Variants in PLCL2 observed in about 807,000 individuals in gnomAD.
PLCL2 encodes the protein phospholipase C like 2.
In PLCL2, 4 loss-of-function variants were observed where a neutral mutation model predicts 79.6. The ratio of observed to expected loss-of-function variants is 0.05; its 90% CI spans 0.02 to 0.11. PLCL2 has a LOEUF of 0.11. PLCL2 is among the 10% of genes least tolerant of loss of function. PLCL2 has a pLI of 1.00. For missense variants in PLCL2, 895 were observed against 1,291.0 expected (o/e 0.69, Z 4.70); for synonymous variants, 484 against 457.7 (o/e 1.06, Z -0.73).
chr3:16,979,012 C>T (rs1575566509), intron 1 of PLCL2, among the ~76,000 whole-genome samples: 1 of 152,336 alleles, frequency 6.6e-6, no homozygotes, highest in South Asian at 2.1e-4. Flanking sequence ...AATATTTACT[C>T]ATTCACAGCA....
At chr3:16,995,446 A>G (rs2064144272) in intron 1 of PLCL2, among the ~76,000 whole-genome samples, 1 of 152,184 alleles carries the variant, frequency 6.6e-6, no homozygotes, top group African/African-American at 2.4e-5. Context: ...GCCTTCTCTA[A>G]GGAGGTGCTG....
chr3:16,962,755 C>G lies in PLCL2; in HGVS notation c.328-46919C>G, dbSNP rs183784962. Reference sequence around the variant, plus strand: ...TTTCTAAACCAAAAAGAAAAATTAACGAATAAAAGATTTGGAAAAAAATTC... The same window carrying G: ...TTTCTAAACCAAAAAGAAAAATTAAGGAATAAAAGATTTGGAAAAAAATTC... On this transcript the variant is annotated intron_variant, in intron 1 of 5. Coordinates refer to ENST00000615277, the MANE Select transcript of PLCL2 (RefSeq NM_001144382.2). Among the ~76,000 whole-genome samples the G allele has an allele frequency of 4.2e-3, 646 of 152,094 alleles. 4 individuals are homozygous for G. Among genetic ancestry groups the G allele is most frequent in the African/African-American group, 0.014 (602 of 41,524 alleles).
intron 1 of PLCL2, among the ~76,000 whole-genome samples, chr3:16,967,762 T>C (rs189903779): frequency 3.9e-4 from 59 of 152,308 alleles, no homozygotes; most frequent in Non-Finnish European, 6.3e-4. Flanking sequence ...AGATCTTTAG[T>C]TTAATTAAGT....
chr3:16,997,384 G>T (rs2064164303), intron 1 of PLCL2, among the ~76,000 whole-genome samples: 1 of 152,094 alleles, frequency 6.6e-6, no homozygotes, highest in South Asian at 2.1e-4. Flanking sequence ...GAACACTGAG[G>T]GCTGAACTAG....
intron 1 of PLCL2, among the ~76,000 whole-genome samples, chr3:16,912,135 C>T (rs1329369562): frequency 6.6e-6 from 1 of 152,146 alleles, no homozygotes; most frequent in Admixed American, 6.5e-5. Context: ...GGATGCCTTG[C>T]CTCATAGTCA....
chr3:17,057,972 C>T (rs1386946095), intron 4 of PLCL2, among the ~76,000 whole-genome samples: 1 of 152,134 alleles, frequency 6.6e-6, no homozygotes, highest in East Asian at 1.9e-4. Flanking sequence ...AAGAGGGCTC[C>T]AGGTCAAGTA....
chr3:16,896,355 T>G (rs1696479770), intron 1 of PLCL2, among the ~76,000 whole-genome samples: 1 of 152,192 alleles, frequency 6.6e-6, no homozygotes, highest in African/African-American at 2.4e-5. Flanking sequence ...GGACTGGATC[T>G]TCCTTGGAAT....
intron 3 of PLCL2, among the ~76,000 whole-genome samples, chr3:17,031,517 T>A (rs1008593372): frequency 6.6e-6 from 1 of 152,210 alleles, no homozygotes; most frequent in Non-Finnish European, 1.5e-5. Context: ...ATATCATTAA[T>A]GTAGCTTAGA....
chr3:17,085,044 C>CA (rs1394377207), intron 5 of PLCL2, among the ~76,000 whole-genome samples: 3 of 151,848 alleles, frequency 2.0e-5, no homozygotes, highest in Non-Finnish European at 4.4e-5. Flanking sequence ...AAAGAATTGA[C>CA]AAAAAAATCT....
rs369708926 is a variant in PLCL2, at chr3:17,006,083, A to G, written c.328-3591A>G. ...TTATGCATTTAATGTTCTTCCAGTTAAAAAGGTATATGTATAGCACATGTA... is the reference window on the plus strand; with the variant it reads ...TTATGCATTTAATGTTCTTCCAGTTGAAAAGGTATATGTATAGCACATGTA... On this transcript the variant is annotated intron_variant, in intron 1 of 5. Transcript: ENST00000615277. 5.3e-5 allele frequency among the ~76,000 whole-genome samples: 8 copies of G among 152,320 alleles called. 1 individual carries two copies. The highest frequency in any genetic ancestry group is 1.9e-4 in the East Asian group (1 of 5,188).
At chr3:17,019,576 CAG>C (rs2064425364) in intron 3 of PLCL2, among the ~76,000 whole-genome samples, 1 of 151,652 alleles carries the variant, frequency 6.6e-6, no homozygotes, top group Non-Finnish European at 1.5e-5. Context: ...TAATAATATA[CAG>C]TTATTCATGT....
At chr3:17,060,463 A>G (rs140893643) in intron 4 of PLCL2, among the ~76,000 whole-genome samples, 3 of 152,312 alleles carry the variant, frequency 2.0e-5, no homozygotes, top group Non-Finnish European at 2.9e-5. Flanking sequence ...GAGGCTACCA[A>G]CTGGAACTAT....
rs1394617818 is a variant in PLCL2, at chr3:17,063,252, C to CCCTCCCTCCCTCCCTGCCTG, written c.3095-4701_3095-4700insCCCTCCCTCCCTGCCTGCCT. ...TCCCTCCCTCCCTCCCTGCCTTCCT[C>CCCTCCCTCCCTCCCTGCCTG]CCTTCCTCCCTTCCTCCCTTCCTCC... is the stretch of plus-strand genomic sequence containing the variant. On this transcript the variant is annotated intron_variant, in intron 4 of 5. Transcript: ENST00000615277. 5.2e-3 allele frequency among the ~76,000 whole-genome samples: 21 copies of CCCTCCCTCCCTCCCTGCCTG among 4,074 alleles called. 1 individual carries two copies. Among genetic ancestry groups the CCCTCCCTCCCTCCCTGCCTG allele is most frequent in the Admixed American group, 8.9e-3 (3 of 338 alleles). 2.7% of individuals were successfully genotyped at this position (4,074 alleles called of 152,430 possible).
intron 1 of PLCL2, among the ~76,000 whole-genome samples, chr3:16,971,922 C>A (rs1455603013): frequency 1.3e-5 from 2 of 152,052 alleles, no homozygotes; most frequent in African/African-American, 4.8e-5. Flanking sequence ...GAACCAAAGA[C>A]AAAAACCACA....
Position 17,087,869 on chromosome 3 carries a change from TAGTC to T in PLCL2, c.3205-1863_3205-1860del, listed in dbSNP as rs565101706. Among the ~76,000 whole-genome samples, 118 of 152,334 alleles carry T rather than the reference TAGTC, an allele frequency of 7.7e-4. 1 individual carries two copies. Among genetic ancestry groups the T allele is most frequent in the Admixed American group, 3.7e-3 (56 of 15,308 alleles). ...GGAGTTTTAAAACACAAAGACTAGT[TAGTC>T]TATTAAAACTGTGAATGTGTGTAGC... is the stretch of plus-strand genomic sequence containing the variant. On this transcript the variant is annotated intron_variant, in intron 5 of 5. Coordinates refer to ENST00000615277, the MANE Select transcript of PLCL2 (RefSeq NM_001144382.2).
At chr3:16,900,347 AATC>A (rs1696588465) in intron 1 of PLCL2, among the ~76,000 whole-genome samples, 2 of 152,242 alleles carry the variant, frequency 1.3e-5, no homozygotes, top group Non-Finnish European at 2.9e-5. Context: ...TAAAATTACA[AATC>A]ATCCTTGTTT....
At chr3:16,960,175 C>A (rs17042938) in intron 1 of PLCL2, among the ~76,000 whole-genome samples, 2,695 of 152,322 alleles carry the variant, frequency 0.018, 93 homozygotes, top group African/African-American at 0.061. Context: ...TCACCACTAT[C>A]ATTCAGATCT....
chr3:16,989,418 C>T (rs868673149), intron 1 of PLCL2, among the ~76,000 whole-genome samples: 8 of 152,026 alleles, frequency 5.3e-5, no homozygotes, highest in South Asian at 2.1e-4. Context: ...AAAAAATGTG[C>T]GCAGTCCAAA....
chr3:17,078,146 C>T (rs1430088747), intron 5 of PLCL2, among the ~76,000 whole-genome samples: 1 of 152,228 alleles, frequency 6.6e-6, no homozygotes, highest in East Asian at 1.9e-4. Context: ...GGATCAGGTT[C>T]TCCCCCTGCT....
Sources: gnomAD v4.1 joint callset for allele counts (sites outside exome capture counted in the v4.1 genomes callset) on GRCh38, gnomAD v4.1.1 for gene constraint, MANE v1.5 for transcripts, NCBI Gene and HGNC (gene_info 2026-07-23, HGNC 2026-07-21) for gene names.